Variants in COG2 observed in about 807,000 individuals in gnomAD.
The protein encoded by COG2 is component of oligomeric golgi complex 2, also known as conserved oligomeric Golgi complex subunit 2.
In COG2, 52 loss-of-function variants were observed where a neutral mutation model predicts 90.6. The ratio of observed to expected loss-of-function variants is 0.57; its 90% CI spans 0.46 to 0.72. The LOEUF (loss-of-function observed/expected upper bound fraction) is 0.72. COG2 is among the 30% of genes least tolerant of loss of function. The pLI, the probability that COG2 is intolerant of heterozygous loss-of-function variation, is 0.00. For synonymous variants in COG2, 337 were observed against 320.4 expected, an observed-to-expected ratio of 1.05 and a Z score of -0.55; for missense variants, 829 against 891.2, an observed-to-expected ratio of 0.93 and a Z score of 0.89.
rs79740707 is a variant in COG2, at chr1:230,648,460, A to G, written c.72+5782A>G. On this transcript the variant is annotated intron_variant, in intron 1 of 17. Coordinates refer to ENST00000366669, the MANE Select transcript of COG2 (RefSeq NM_007357.3). ...GAATATATTTGAGACTGATTGTCACAGAATTTTCTAATTACCCACATGTGG... is the reference window on the plus strand; with the variant it reads ...GAATATATTTGAGACTGATTGTCACGGAATTTTCTAATTACCCACATGTGG... 5.0e-3 allele frequency among the ~76,000 whole-genome samples: 769 copies of G among 152,370 alleles called. 7 individuals carry two copies. Among genetic ancestry groups the G allele is most frequent in the African/African-American group, 0.017 (724 of 41,596 alleles).
intron 1 of COG2, among the ~76,000 whole-genome samples, chr1:230,650,944 A>G (rs1661901074): frequency 6.6e-6 from 1 of 152,178 alleles, no homozygotes; most frequent in Non-Finnish European, 1.5e-5. Flanking sequence ...TCGAATATGC[A>G]GGGGCATTTA....
In COG2 at chr1:230,671,613, G is replaced by A. The variant is rs199855667; in HGVS notation, c.872G>A (p.Arg291Gln). The A allele has an allele frequency of 5.6e-5, 90 of 1,613,630 alleles. No homozygotes were observed. The highest frequency in any genetic ancestry group is 1.7e-4 in the Middle Eastern group (1 of 6,056). ...GTTCCTCACCATTGCCGCCTTCTTC[G>A]AGAAGTCACAGGAGGTGCCATCTCC... ...EFVPHHCRLL[R>Q]EVTGGAISSE... Residue 291 changes from arginine (R) to glutamine (Q), a missense_variant, in exon 8 of 18, where the codon CGA (arginine) becomes CAA (glutamine). Arg to Gln is a conservative substitution (Grantham distance 43, BLOSUM62 1). Transcript: ENST00000366669.
chr1:230,671,527 G>A lies in COG2; in HGVS notation c.786G>A (p.Glu262=), dbSNP rs754255188. 1.2e-6 allele frequency: 2 copies of A among 1,612,196 alleles called. No individual in the cohort carries two copies. Among genetic ancestry groups the A allele is most frequent in the Non-Finnish European group, 1.7e-6 (2 of 1,179,020 alleles). The stretch of plus-strand genomic sequence containing the variant: ...TTTTCTTTTAATAGGTGATTATAGA[G>A]CAGTTTGTTGAATCTCATCCCAATG... ...VKPYIDEVII[E]QFVESHPNGL... Residue 262 remains glutamate, a synonymous_variant, in exon 8 of 18, where the codon GAG becomes GAA. Coordinates refer to ENST00000366669, the MANE Select transcript of COG2 (RefSeq NM_007357.3).
chr1:230,675,188 T>C (rs1662559709), intron 9 of COG2, 64 bp downstream of exon 9: 1 of 1,551,490 alleles, frequency 6.4e-7, no homozygotes, highest in African/African-American at 1.4e-5. Context: ...AAATATCATG[T>C]TCTCTTCTAC....
intron 5 of COG2, 56 bp downstream of exon 5, chr1:230,664,643 A>T: frequency 1.2e-6 from 1 of 851,298 alleles, no homozygotes; most frequent in South Asian, 1.9e-5. Context: ...CAGAGTAAAA[A>T]CTTTTTTAGT....
chr1:230,685,292 T>A, intron 12 of COG2, 56 bp downstream of exon 12: 4 of 1,585,970 alleles, frequency 2.5e-6, no homozygotes, highest in South Asian at 1.1e-5. Context: ...ATTAAAGATA[T>A]GTTAGGCTAA....
At chr1:230,678,407 C>T (rs756128835) in intron 9 of COG2, 66 of 985,220 alleles carry the variant, frequency 6.7e-5, no homozygotes, top group East Asian at 2.3e-4. Context: ...ATAAATGCTA[C>T]GAGTTAGCTG....
intron 9 of COG2, among the ~76,000 whole-genome samples, chr1:230,677,461 G>C (rs1662627415): frequency 6.6e-6 from 1 of 152,190 alleles, no homozygotes; most frequent in Non-Finnish European, 1.5e-5. Context: ...TCTGTTGGCT[G>C]ATTGTCCCAT....
intron 16 of COG2, among the ~76,000 whole-genome samples, chr1:230,691,053 A>G (rs1469411077): frequency 6.6e-6 from 1 of 152,146 alleles, no homozygotes; most frequent in Admixed American, 6.5e-5. Flanking sequence ...TGAAAGACAA[A>G]ATTGGTCTAT....
intron 1 of COG2, among the ~76,000 whole-genome samples, chr1:230,658,995 A>T (rs1662123721): frequency 6.6e-6 from 1 of 152,226 alleles, no homozygotes; most frequent in Non-Finnish European, 1.5e-5. Flanking sequence ...ATCTGGAAGG[A>T]TGTGAATCAC....
intron 10 of COG2, chr1:230,680,179 T>C (rs1662705428): frequency 6.6e-6 from 1 of 152,230 alleles, no homozygotes; most frequent in South Asian, 2.1e-4. Flanking sequence ...AGAAACCTTT[T>C]TGATTTGTGA....
chr1:230,644,817 A>T (rs910096696), intron 1 of COG2, among the ~76,000 whole-genome samples: 3 of 152,192 alleles, frequency 2.0e-5, no homozygotes, highest in African/African-American at 7.2e-5. Context: ...AGGAAATGAC[A>T]TGATCATGTA....
intron 6 of COG2, 80 bp downstream of exon 6, chr1:230,668,864 G>A (rs972657429): frequency 1.9e-5 from 17 of 873,492 alleles, no homozygotes; most frequent in Non-Finnish European, 2.6e-5. Flanking sequence ...TAATATTGTT[G>A]ATCTACAGGG....
chr1:230,667,452 C>T (rs1488314521), intron 5 of COG2, among the ~76,000 whole-genome samples: 1 of 152,126 alleles, frequency 6.6e-6, no homozygotes, highest in African/African-American at 2.4e-5. Context: ...GTATAATAGA[C>T]ACTGCACTCT....
At chr1:230,691,285 A>T (rs1239021460) in intron 16 of COG2, 99 bp from the exon 17 acceptor site, 3 of 1,092,680 alleles carry the variant, frequency 2.7e-6, no homozygotes, top group Non-Finnish European at 2.5e-6. Flanking sequence ...GTGAATTTTT[A>T]TCTTAAAAAT....
chr1:230,691,285 A>G, intron 16 of COG2, 99 bp from the exon 17 acceptor site: 8 of 1,092,796 alleles, frequency 7.3e-6, no homozygotes, highest in Non-Finnish European at 1.0e-5. Flanking sequence ...GTGAATTTTT[A>G]TCTTAAAAAT....
chr1:230,662,851 C>T (rs1662216288), intron 3 of COG2, among the ~76,000 whole-genome samples: 1 of 152,184 alleles, frequency 6.6e-6, no homozygotes, highest in Non-Finnish European at 1.5e-5. Context: ...ACCAGACACC[C>T]TTATACTTTG....
At position 230,669,421 on chromosome 1, in the gene COG2, G is replaced by A; in HGVS notation, c.660G>A (p.Gln220=). 2.5e-6 allele frequency: 4 copies of A among 1,614,076 alleles called. No homozygotes were observed. Among genetic ancestry groups the A allele is most frequent in the Non-Finnish European group, 3.4e-6 (4 of 1,179,958 alleles). The change falls in exon 7 of 18, where the codon CAG becomes CAA. Residue 220 remains glutamine, a synonymous_variant. Transcript: ENST00000366669. ...AAGGTCTCCTATTAGAAGGCCTTCA[G>A]ACGTCTGACGTCGATATAATACGGC... is the stretch of plus-strand genomic sequence containing the variant. The part of the protein sequence containing the change: ...SLEGLLLEGL[Q]TSDVDIIRHC...
chr1:230,691,635 G>A, intron 17 of COG2, 71 bp downstream of exon 17: 1 of 1,403,906 alleles, frequency 7.1e-7, no homozygotes, highest in Non-Finnish European at 9.9e-7. Context: ...GTTACTTGGT[G>A]GCTCGCGTGA....
Sources: allele counts gnomAD v4.1 joint callset (sites outside exome capture counted in the v4.1 genomes callset), GRCh38; gene constraint gnomAD v4.1.1; transcripts MANE v1.5; gene names NCBI Gene and HGNC (gene_info 2026-07-23, HGNC 2026-07-21).